Variants in DPP10 observed in about 807,000 individuals in gnomAD.
DPP10 encodes inactive dipeptidyl peptidase 10.
In DPP10, 33 loss-of-function variants were observed where a neutral mutation model predicts 120.9. That is an observed-to-expected ratio of 0.27 (90% CI 0.21 to 0.37). The LOEUF is 0.37. Ranked by LOEUF, DPP10 falls within the 10% of genes least tolerant of loss-of-function variation. The probability of loss-of-function intolerance (pLI) is 1.00; values close to 1 mark genes in which losing one functional copy is unlikely to be tolerated. For synonymous variants in DPP10, 337 were observed against 326.1 expected, an observed-to-expected ratio of 1.03 and a Z score of -0.36; for missense variants, 816 against 942.8, an observed-to-expected ratio of 0.87 and a Z score of 1.76.
intron 1 of DPP10, among the ~76,000 whole-genome samples, chr2:114,977,849 C>CA (rs1553464565): frequency 7.0e-6 from 1 of 143,456 alleles, no homozygotes; most frequent in Non-Finnish European, 1.5e-5. Context: ...TTTCTTTTTT[C>CA]TTTTTTTTTT....
At chr2:115,645,106 T>C (rs2087125049) in intron 5 of DPP10, among the ~76,000 whole-genome samples, 1 of 152,126 alleles carries the variant, frequency 6.6e-6, no homozygotes, top group African/African-American at 2.4e-5. Flanking sequence ...ATGAAAAGTA[T>C]TCTCAAATGG....
chr2:114,988,198 A>G (rs1700540633), intron 1 of DPP10, among the ~76,000 whole-genome samples: 1 of 152,144 alleles, frequency 6.6e-6, no homozygotes, highest in Non-Finnish European at 1.5e-5. Context: ...AATTTTATGT[A>G]CCCAAGAGTT....
intron 1 of DPP10, among the ~76,000 whole-genome samples, chr2:114,721,483 C>T (rs1701703552): frequency 6.6e-6 from 1 of 152,156 alleles, no homozygotes; most frequent in African/African-American, 2.4e-5. Context: ...TATTCAAAAG[C>T]ACAATTTTGA....
chr2:115,635,722 G>A (rs2086268549), intron 5 of DPP10, among the ~76,000 whole-genome samples: 1 of 152,138 alleles, frequency 6.6e-6, no homozygotes, highest in Admixed American at 6.5e-5. Flanking sequence ...TAAGTTATTG[G>A]AGGCCCTGTG....
intron 1 of DPP10, chr2:114,462,243 C>G (rs917730561): frequency 2.2e-5 from 15 of 688,924 alleles, no homozygotes; most frequent in Non-Finnish European, 2.7e-5. Flanking sequence ...CACCCTATTG[C>G]TAATATTTTA....
intron 17 of DPP10, among the ~76,000 whole-genome samples, chr2:115,782,867 A>G (rs1170777184): frequency 6.6e-6 from 1 of 152,000 alleles, no homozygotes; most frequent in Non-Finnish European, 1.5e-5. Context: ...TCATTTATGA[A>G]TTTATTCATT....
rs1477875583 is a variant in DPP10 at position 114,975,625 on chromosome 2, A to G, written c.61-333614A>G. Among the ~76,000 whole-genome samples, 5 of 152,326 alleles carry G rather than the reference A, an allele frequency of 3.3e-5. No homozygotes were observed. In the South Asian group the frequency reaches 8.3e-4, roughly 25 times the overall value. On this transcript the variant is annotated intron_variant, in intron 1 of 25. Transcript: ENST00000410059. ...ATCTTAACTTAGCATTTTTAAAATC[A>G]GTGAACAATTGCTTTATTTATTTAT...
intron 1 of DPP10, among the ~76,000 whole-genome samples, chr2:114,627,586 T>C (rs1444930649): frequency 6.6e-6 from 1 of 151,582 alleles, no homozygotes; most frequent in African/African-American, 2.4e-5. Context: ...AAGAGGCCAA[T>C]AGAGGGGGTG....
At chr2:115,326,821 A>C (rs968818980) in intron 2 of DPP10, among the ~76,000 whole-genome samples, 5 of 152,114 alleles carry the variant, frequency 3.3e-5, no homozygotes, top group Non-Finnish European at 7.4e-5. Context: ...GTGTTATTAG[A>C]AAAGTGTCAA....
chr2:115,148,823 T>A lies in DPP10; in HGVS notation c.61-160416T>A, dbSNP rs188158379. ...CTAGCCATCCAGAAGTCTCTATACA[T>A]TCTCTGTCCTCTCTGTCTCCAAAAA... On this transcript the variant is annotated intron_variant, in intron 1 of 25. Coordinates refer to ENST00000410059, the MANE Select transcript of DPP10 (RefSeq NM_020868.6). 5.8e-4 allele frequency among the ~76,000 whole-genome samples: 88 copies of A among 152,324 alleles called. 1 individual carries two copies. The highest frequency in any genetic ancestry group is 2.0e-3 in the African/African-American group (82 of 41,578).
At chr2:115,182,743 G>A (rs1350858195) in intron 1 of DPP10, among the ~76,000 whole-genome samples, 2 of 152,148 alleles carry the variant, frequency 1.3e-5, no homozygotes, top group African/African-American at 4.8e-5. Flanking sequence ...AGGTAGGGAA[G>A]CTATTTCAGA....
intron 3 of DPP10, among the ~76,000 whole-genome samples, chr2:115,461,281 G>C (rs1191450079): frequency 6.6e-6 from 1 of 151,902 alleles, no homozygotes; most frequent in African/African-American, 2.4e-5. Flanking sequence ...TCTATGTTTT[G>C]ATTGTGATGG....
chr2:114,933,241 G>A (rs1273631580), intron 1 of DPP10, among the ~76,000 whole-genome samples: 1 of 152,184 alleles, frequency 6.6e-6, no homozygotes, highest in Non-Finnish European at 1.5e-5. Flanking sequence ...GATAGATCCA[G>A]TAGGATTTTG....
chr2:114,596,479 A>G (rs556865401), intron 1 of DPP10, among the ~76,000 whole-genome samples: 4 of 152,228 alleles, frequency 2.6e-5, no homozygotes, highest in African/African-American at 7.2e-5. Context: ...AGTAACATAC[A>G]TGCATGTACC....
At chr2:114,632,733 C>T (rs760810558) in intron 1 of DPP10, among the ~76,000 whole-genome samples, 3 of 151,944 alleles carry the variant, frequency 2.0e-5, no homozygotes, top group East Asian at 3.9e-4. Context: ...AGGATGGTCT[C>T]GATCTCCTGA....
chr2:115,424,774 T>G (rs183977239), intron 3 of DPP10, among the ~76,000 whole-genome samples: 175 of 152,312 alleles, frequency 1.1e-3, no homozygotes, highest in African/African-American at 4.0e-3. Flanking sequence ...ATCTAATATT[T>G]AAGACCTCAC....
intron 3 of DPP10, among the ~76,000 whole-genome samples, chr2:115,357,839 A>G (rs1258321953): frequency 6.6e-6 from 1 of 152,162 alleles, no homozygotes; most frequent in Non-Finnish European, 1.5e-5. Flanking sequence ...CTGTGCACCC[A>G]TAGGACCAAC....
intron 1 of DPP10, among the ~76,000 whole-genome samples, chr2:115,006,147 C>G (rs1041195680): frequency 7.2e-5 from 11 of 151,892 alleles, no homozygotes; most frequent in Non-Finnish European, 1.5e-4. Context: ...AAATAAAATC[C>G]TTTACAGACA....
intron 1 of DPP10, among the ~76,000 whole-genome samples, chr2:114,458,543 A>C (rs984179411): frequency 6.6e-6 from 1 of 152,188 alleles, no homozygotes; most frequent in Non-Finnish European, 1.5e-5. Context: ...AGGCAATATT[A>C]TATCCTTGCT....
Sources: gnomAD v4.1 joint callset for allele counts (sites outside exome capture counted in the v4.1 genomes callset) on GRCh38, gnomAD v4.1.1 for gene constraint, MANE v1.5 for transcripts, NCBI Gene and HGNC (gene_info 2026-07-23, HGNC 2026-07-21) for gene names.